NCBP3: variants seen among roughly 807,000 people sequenced by gnomAD.
The protein encoded by NCBP3 is nuclear cap binding subunit 3.
Under a neutral mutation model 75.7 loss-of-function variants are expected in NCBP3, and 20 were observed. The ratio of observed to expected loss-of-function variants is 0.26; its 90% CI spans 0.19 to 0.38. NCBP3 has a LOEUF of 0.38. Ranked by LOEUF, NCBP3 falls within the 10% of genes least tolerant of loss-of-function variation. The pLI, the probability that NCBP3 is intolerant of heterozygous loss-of-function variation, is 1.00. For missense variants in NCBP3, 678 were observed against 796.9 expected, an observed-to-expected ratio of 0.85 and a Z score of 1.80; for synonymous variants, 293 against 290.5, an observed-to-expected ratio of 1.01 and a Z score of -0.09.
Position 3,818,502 on chromosome 17 carries a change from TTCCTCTTCCTCTTCCTCC to T in NCBP3, c.1053_1070del (p.Glu354_Glu359del). The T allele has an allele frequency of 6.2e-7, 1 of 1,612,504 alleles. No individual in the cohort carries two copies. The highest frequency in any genetic ancestry group is 8.5e-7 in the Non-Finnish European group (1 of 1,179,784). On this transcript the variant is annotated inframe_deletion, in exon 10 of 13. Coordinates refer to ENST00000389005, the MANE Select transcript of NCBP3 (RefSeq NM_001114118.3). The surrounding 1 kb of genome is among the most constrained non-coding windows in gnomAD (Gnocchi z 4.7). ...CTGCATCCATGTCCTGGTCTTCTTC[TTCCTCTTCCTCTTCCTCC>T]TCCTCCTCCTCTTCCTCCTCTTCAA... is the stretch of plus-strand genomic sequence containing the variant.
rs1160462424 is a variant in NCBP3 at position 3,846,044 on chromosome 17, G to A, written c.180C>T (p.Ile60=). Residue 60 remains isoleucine, a synonymous_variant, in exon 1 of 13, where the codon ATC becomes ATT. Coordinates refer to ENST00000389005, the MANE Select transcript of NCBP3 (RefSeq NM_001114118.3). This position sits in a 1 kb window ranked among gnomAD's most constrained non-coding sequence, Gnocchi z 4.6. ...VPVRRSLKEL[I]PDTSRRYENK... is the part of the protein sequence containing the mutation. Reference sequence around the variant, plus strand: ...ACCCCCCGACCCCCGCCCGTACCGGGATCAGTTCCTTGAGCGAGCGCCGCA... The same window carrying A: ...ACCCCCCGACCCCCGCCCGTACCGGAATCAGTTCCTTGAGCGAGCGCCGCA... 7.8e-6 allele frequency: 12 copies of A among 1,546,872 alleles called. No individual in the cohort carries two copies. Among genetic ancestry groups the A allele is most frequent in the East Asian group, 2.5e-5 (1 of 39,902 alleles).
At position 3,837,746 on chromosome 17, in the gene NCBP3, A is replaced by G. The variant is rs187847851; in HGVS notation, c.355+2354T>C. ...AAGCCTCTGTCTCAAAAAAAAAAAA[A>G]AAAAGAAAAGAAAACCAGTAACTAT... On this transcript the variant is annotated intron_variant, in intron 3 of 12. Transcript: ENST00000389005. 6.4e-4 allele frequency among the ~76,000 whole-genome samples: 97 copies of G among 151,620 alleles called. No homozygotes were observed. The East Asian group carries it at 0.013, about 21-fold the overall frequency.
In NCBP3 at chr17:3,809,610, G is replaced by C. The variant is rs1010098074; in HGVS notation, c.*3434C>G. The stretch of plus-strand genomic sequence containing the variant: ...AATCCCAGCTACTCTGGAGGCTGAG[G>C]CAGGAGAATCGCTTGAACCCCGGAG... On this transcript the variant is annotated 3_prime_UTR_variant, in exon 13 of 13. Coordinates refer to ENST00000389005, the MANE Select transcript of NCBP3 (RefSeq NM_001114118.3). 6.6e-6 allele frequency: 1 copy of C among 152,284 alleles called. No individual in the cohort carries two copies. The allele number at this position is 152,284 out of a possible 1,614,324, so 9.4% of individuals were successfully genotyped here.
Position 3,840,225 on chromosome 17 carries a change from T to G in NCBP3, c.250-20A>C. ...TGCTTCCTAGAAAGTACAGAAAAAG[T>G]GAAAGTAGTAAAATATGGAGAAGGC... On this transcript the variant is annotated intron_variant, in intron 2 of 12. Coordinates refer to ENST00000389005, the MANE Select transcript of NCBP3 (RefSeq NM_001114118.3). 6.5e-7 allele frequency: 1 copy of G among 1,543,968 alleles called. No individual in the cohort carries two copies. The highest frequency in any genetic ancestry group is 8.8e-7 in the Non-Finnish European group (1 of 1,140,212).
At chr17:3,830,240 A>G (rs959938387) in intron 3 of NCBP3, among the ~76,000 whole-genome samples, 6 of 152,210 alleles carry the variant, frequency 3.9e-5, no homozygotes, top group African/African-American at 1.4e-4. Context: ...CTCACGAAGT[A>G]GCTCACACGA....
At position 3,812,429 on chromosome 17, in the gene NCBP3, C is replaced by T. The variant is rs1460830496; in HGVS notation, c.*615G>A. 1 of 808,620 alleles carries T rather than the reference C, an allele frequency of 1.2e-6. No individual in the cohort carries two copies. Among genetic ancestry groups the T allele is most frequent in the Non-Finnish European group, 1.5e-6 (1 of 667,970 alleles). 50.1% of individuals were successfully genotyped at this position (808,620 alleles called of 1,614,324 possible). ...CATCAAGCTGACAGCACGTAAGAGG[C>T]CCATGCCATGAGCAATCCCCGAGGG... On this transcript the variant is annotated 3_prime_UTR_variant, in exon 13 of 13. Transcript: ENST00000389005.
chr17:3,814,259 A>G (rs2053482560), intron 12 of NCBP3, 63 bp downstream of exon 12: 1 of 1,535,540 alleles, frequency 6.5e-7, no homozygotes, highest in Non-Finnish European at 8.9e-7. Context: ...TATTTCTCCA[A>G]TACACCCACT....
Position 3,810,603 on chromosome 17 carries a change from T to C in NCBP3, c.*2441A>G, listed in dbSNP as rs951280272. Reference sequence around the variant, plus strand: ...AAACTCCAAAGAAAAGGCCTCATCATTCAGGACACACTCAAGATGTTGCAA... The same window carrying C: ...AAACTCCAAAGAAAAGGCCTCATCACTCAGGACACACTCAAGATGTTGCAA... On this transcript the variant is annotated 3_prime_UTR_variant, in exon 13 of 13. Transcript: ENST00000389005. The C allele has an allele frequency of 1.3e-5, 2 of 152,338 alleles. No homozygotes were observed. The highest frequency in any genetic ancestry group is 4.8e-5 in the African/African-American group (2 of 41,576). 9.4% of individuals were successfully genotyped at this position (152,338 alleles called of 1,614,324 possible).
At chr17:3,828,724 G>C (rs1186206474) in intron 4 of NCBP3, among the ~76,000 whole-genome samples, 1 of 152,092 alleles carries the variant, frequency 6.6e-6, no homozygotes, top group Non-Finnish European at 1.5e-5. Flanking sequence ...CACAGTTCAA[G>C]GCAAGCAGAA....
intron 1 of NCBP3, 93 bp from the exon 2 acceptor site, chr17:3,843,244 T>TC: frequency 6.4e-6 from 1 of 155,538 alleles, no homozygotes; most frequent in Non-Finnish European, 9.4e-6. Context: ...TCTTTTTTCC[T>TC]TTTTTTTTTT....
At chr17:3,827,720 G>A (rs2053812715) in intron 4 of NCBP3, among the ~76,000 whole-genome samples, 1 of 152,170 alleles carries the variant, frequency 6.6e-6, no homozygotes, top group Admixed American at 6.5e-5. Context: ...CAAGGTAGGT[G>A]AACTATGTAA....
chr17:3,818,266 A>C lies in NCBP3; in HGVS notation c.1307T>G (p.Ile436Ser). Residue 436 changes from isoleucine to serine, a missense_variant, in exon 10 of 13, where the codon ATT becomes AGT. This residue lies in a region of NCBP3 where 365 missense variants were observed against 392.7 expected (regional missense o/e 0.93). Coordinates refer to ENST00000389005, the MANE Select transcript of NCBP3 (RefSeq NM_001114118.3). The surrounding 1 kb of genome is among the most constrained non-coding windows in gnomAD (Gnocchi z 4.7). ...ADEVESQLKNIRNSMRADSVS... is the reference protein window; with the variant it reads ...ADEVESQLKNSRNSMRADSVS... The stretch of plus-strand genomic sequence containing the variant: ...CTTTGATAAAACAAATTTTTACCTA[A>C]TATTTTTCAACTGAGATTCCACTTC... The C allele has an allele frequency of 6.3e-7, 1 of 1,575,560 alleles. No individual in the cohort carries two copies. Among genetic ancestry groups the C allele is most frequent in the Non-Finnish European group, 8.6e-7 (1 of 1,160,506 alleles).
chr17:3,824,669 T>G, intron 7 of NCBP3: 1 of 208,704 alleles, frequency 4.8e-6, no homozygotes, highest in Non-Finnish European at 9.5e-6. Flanking sequence ...ATAATTCAGA[T>G]GGTAACTGGC....
At chr17:3,831,436 G>A (rs1282741684) in intron 3 of NCBP3, among the ~76,000 whole-genome samples, 1 of 151,212 alleles carries the variant, frequency 6.6e-6, no homozygotes, top group African/African-American at 2.4e-5. Flanking sequence ...AGCTGGGTGT[G>A]GTGGCAGGTG....
chr17:3,836,850 T>C (rs1040539047), intron 3 of NCBP3, among the ~76,000 whole-genome samples: 5 of 151,822 alleles, frequency 3.3e-5, no homozygotes, highest in Non-Finnish European at 5.9e-5. Flanking sequence ...GTCTGCACAT[T>C]AAAAGTACCT....
chr17:3,808,246 A>T lies in NCBP3; in HGVS notation c.*4798T>A, dbSNP rs1228871506. On this transcript the variant is annotated 3_prime_UTR_variant, in exon 13 of 13. Coordinates refer to ENST00000389005, the MANE Select transcript of NCBP3 (RefSeq NM_001114118.3). ...CAATCACTTCACCTGGTACTCAACC[A>T]AACAGTAATGTGTTCCCACATGGGC... 1 of 152,262 alleles carries T rather than the reference A, an allele frequency of 6.6e-6. No individual in the cohort carries two copies. The highest frequency in any genetic ancestry group is 2.4e-5 in the African/African-American group (1 of 41,468). The allele number at this position is 152,262 out of a possible 1,614,324, so 9.4% of individuals were successfully genotyped here. A position where few individuals can be genotyped will look rare whatever the true frequency, so the allele number is the denominator to read the frequency against.
Position 3,806,803 on chromosome 17 carries a change from G to T in NCBP3, c.*6241C>A, listed in dbSNP as rs1004733271. On this transcript the variant is annotated 3_prime_UTR_variant, in exon 13 of 13. Coordinates refer to ENST00000389005, the MANE Select transcript of NCBP3 (RefSeq NM_001114118.3). ...GTAAGAAAAGTTGTAGATATTTATTGTGGGTCTGGTTATGCAAGAACAATC... is the reference window on the plus strand; with the variant it reads ...GTAAGAAAAGTTGTAGATATTTATTTTGGGTCTGGTTATGCAAGAACAATC... 4 of 149,372 alleles carry T rather than the reference G, an allele frequency of 2.7e-5. No homozygotes were observed. In the East Asian group the frequency reaches 5.9e-4, roughly 22 times the overall value. 9.3% of individuals were successfully genotyped at this position (149,372 alleles called of 1,614,324 possible).
At position 3,813,188 on chromosome 17, in the gene NCBP3, G is replaced by C; in HGVS notation, c.1719C>G (p.Asp573Glu). 6.2e-7 allele frequency: 1 copy of C among 1,614,230 alleles called. No individual in the cohort carries two copies. The highest frequency in any genetic ancestry group is 1.1e-5 in the South Asian group (1 of 91,082). The change falls in exon 13 of 13, where the codon GAC becomes GAG. Residue 573 changes from aspartate (D) to glutamate (E), a missense_variant. Physicochemically the swap from Asp to Glu is conservative, Grantham distance 45. Transcript: ENST00000389005. ...CCCATGCCCTTTGCAGCTCAGAGTC[G>C]TCTTCCTCAGCGCCAGGCGCCCTGT... ...VDHRAPGAEE[D>E]DSELQRAWGA...
rs541815316 is a variant in NCBP3, at chr17:3,834,485, C to T, written c.356-5117G>A. Among the ~76,000 whole-genome samples the T allele has an allele frequency of 4.9e-4, 75 of 152,308 alleles. 1 individual carries two copies. The highest frequency in any genetic ancestry group is 1.7e-3 in the African/African-American group (72 of 41,564). ...AGAGTGAACAGGCTCATCAAAAATGCTGACAGCAGGCTAGGCGCGGTGGCT... is the reference window on the plus strand; with the variant it reads ...AGAGTGAACAGGCTCATCAAAAATGTTGACAGCAGGCTAGGCGCGGTGGCT... On this transcript the variant is annotated intron_variant, in intron 3 of 12. Transcript: ENST00000389005.
Sources: gnomAD v4.1 joint callset for allele counts (sites outside exome capture counted in the v4.1 genomes callset) on GRCh38, gnomAD v4.1.1 for gene constraint, gnomAD v4.1.1 regional missense constraint, Gnocchi (gnomAD v3.1) non-coding constraint, MANE v1.5 for transcripts, NCBI Gene and HGNC (gene_info 2026-07-23, HGNC 2026-07-21) for gene names.